ZMIZ1: variants seen among roughly 807,000 people sequenced by gnomAD.
ZMIZ1 encodes zinc finger MIZ domain-containing protein 1.
Under a neutral mutation model 113.9 loss-of-function variants are expected in ZMIZ1, and 17 were observed. The ratio of observed to expected loss-of-function variants is 0.15; its 90% CI spans 0.10 to 0.22. The LOEUF is 0.22. ZMIZ1 is among the 10% of genes least tolerant of loss of function. ZMIZ1 has a pLI of 1.00. For synonymous variants in ZMIZ1, 607 were observed against 603.1 expected, an observed-to-expected ratio of 1.01 and a Z score of -0.09; for missense variants, 1,059 against 1,477.8, an observed-to-expected ratio of 0.72 and a Z score of 4.65.
intron 23 of ZMIZ1, among the ~76,000 whole-genome samples, chr10:79,308,913 T>A (rs537167478): frequency 5.9e-5 from 9 of 152,324 alleles, no homozygotes; most frequent in Admixed American, 3.9e-4. Flanking sequence ...CCCCGCTGCC[T>A]GCATTCTGTG....
chr10:79,289,937 G>A (rs763101420), intron 9 of ZMIZ1, 48 bp downstream of exon 9: 18 of 1,567,462 alleles, frequency 1.1e-5, no homozygotes, highest in Non-Finnish European at 1.6e-5. Flanking sequence ...AGGCGGGAGT[G>A]TCCCTTGACC....
intron 14 of ZMIZ1, among the ~76,000 whole-genome samples, chr10:79,298,159 G>A (rs1854033779): frequency 6.6e-6 from 1 of 152,122 alleles, no homozygotes; most frequent in Admixed American, 6.5e-5. Flanking sequence ...GATGGGTAAG[G>A]GTCTCCACAG....
intron 7 of ZMIZ1, among the ~76,000 whole-genome samples, chr10:79,225,557 T>G (rs904551805): frequency 6.6e-6 from 1 of 150,688 alleles, no homozygotes; most frequent in Non-Finnish European, 1.5e-5. Context: ...TAGTGAGACA[T>G]CTCTACAAAA....
chr10:79,307,630 A>T, intron 23 of ZMIZ1, 59 bp downstream of exon 23: 1 of 1,565,682 alleles, frequency 6.4e-7, no homozygotes, highest in South Asian at 1.1e-5. Context: ...ATGCCTTGGG[A>T]TCTGGATACC....
intron 1 of ZMIZ1, among the ~76,000 whole-genome samples, chr10:79,093,202 T>C (rs878960412): frequency 6.7e-6 from 1 of 148,390 alleles, no homozygotes; most frequent in Admixed American, 6.7e-5. Flanking sequence ...TTAGGTTCTC[T>C]GCACTGTGCC....
chr10:79,246,101 C>G (rs1468717131), intron 7 of ZMIZ1, among the ~76,000 whole-genome samples: 1 of 152,252 alleles, frequency 6.6e-6, no homozygotes, highest in Non-Finnish European at 1.5e-5. Context: ...AAGGAGTAGA[C>G]CAGCCAGGCA....
intron 2 of ZMIZ1, among the ~76,000 whole-genome samples, chr10:79,132,378 A>T (rs1413275180): frequency 6.6e-6 from 1 of 152,112 alleles, no homozygotes; most frequent in Admixed American, 6.5e-5. Flanking sequence ...TGTCTGTCTG[A>T]GCCCAGGTCC....
chr10:79,193,085 C>T lies in ZMIZ1; in HGVS notation c.-49-8499C>T, dbSNP rs556597101. The stretch of plus-strand genomic sequence containing the variant: ...CAGGCTACCGAGGTTTGGGAATGCG[C>T]GAGCCACCTGCGACGTGACCACAGG... On this transcript the variant is annotated intron_variant, in intron 4 of 24. Coordinates refer to ENST00000334512, the MANE Select transcript of ZMIZ1 (RefSeq NM_020338.4). 6.6e-5 allele frequency among the ~76,000 whole-genome samples: 10 copies of T among 152,322 alleles called. No individual in the cohort carries two copies. The East Asian group carries it at 1.7e-3, about 26-fold the overall frequency.
chr10:79,100,752 G>A (rs914986937), intron 1 of ZMIZ1, among the ~76,000 whole-genome samples: 5 of 152,220 alleles, frequency 3.3e-5, no homozygotes, highest in African/African-American at 1.2e-4. Context: ...GCCAAACAGT[G>A]CTGCAGATAT....
chr10:79,273,645 A>G (rs957355285), intron 7 of ZMIZ1, among the ~76,000 whole-genome samples: 1 of 152,228 alleles, frequency 6.6e-6, no homozygotes, highest in Non-Finnish European at 1.5e-5. Flanking sequence ...GGTGTGAGCC[A>G]TCACGCCCAG....
intron 8 of ZMIZ1, among the ~76,000 whole-genome samples, chr10:79,287,438 T>C (rs1356998271): frequency 6.6e-6 from 1 of 152,192 alleles, no homozygotes; most frequent in East Asian, 1.9e-4. Flanking sequence ...CAAATGCGAG[T>C]CCTGCAGTTT....
chr10:79,186,133 C>T (rs913296832), intron 4 of ZMIZ1, among the ~76,000 whole-genome samples: 2 of 152,142 alleles, frequency 1.3e-5, no homozygotes, highest in African/African-American at 4.8e-5. Context: ...ACCAGACACA[C>T]ACCCACCACC....
rs770789504 is a variant in ZMIZ1 at position 79,293,531 on chromosome 10, C to T, written c.1108C>T (p.Pro370Ser). The T allele has an allele frequency of 6.2e-7, 1 of 1,611,068 alleles. No homozygotes were observed. The highest frequency in any genetic ancestry group is 2.2e-5 in the East Asian group (1 of 44,836). Reference protein sequence around the residue: ...MSGPPMGMNQPRPPGISPFGT... With the variant: ...MSGPPMGMNQSRPPGISPFGT... ...CGGCCCTCCCATGGGCATGAACCAGCCCCGGCCGCCCGGCATCAGCCCCTT... is the reference window on the plus strand; with the variant it reads ...CGGCCCTCCCATGGGCATGAACCAGTCCCGGCCGCCCGGCATCAGCCCCTT... The change falls in exon 12 of 25, where the codon CCC becomes TCC. Residue 370 changes from proline to serine, a missense_variant. Coordinates refer to ENST00000334512, the MANE Select transcript of ZMIZ1 (RefSeq NM_020338.4).
chr10:79,293,481 C>G lies in ZMIZ1; in HGVS notation c.1058C>G (p.Ala353Gly). 6.3e-7 allele frequency: 1 copy of G among 1,574,894 alleles called. No individual in the cohort carries two copies. The highest frequency in any genetic ancestry group is 2.3e-5 in the East Asian group (1 of 44,418). ...GGSMNPASMA[A>G]GMTPSGMSGP... ...AGCATGAACCCCGCGAGCATGGCGG[C>G]TGGCATGACGCCCTCGGGGATGAGC... The change falls in exon 12 of 25, where the codon GCT becomes GGT. Residue 353 changes from alanine to glycine, a missense_variant. Ala to Gly is a moderately conservative substitution (Grantham distance 60). Around this residue, in one of 6 missense-constraint regions of ZMIZ1, gnomAD observed 83 missense variants for 103.7 expected, o/e 0.80. Coordinates refer to ENST00000334512, the MANE Select transcript of ZMIZ1 (RefSeq NM_020338.4).
At chr10:79,235,589 CCTT>C (rs1157379678) in intron 7 of ZMIZ1, among the ~76,000 whole-genome samples, 1 of 152,190 alleles carries the variant, frequency 6.6e-6, no homozygotes, top group Non-Finnish European at 1.5e-5. Context: ...GAAATTCCTT[CCTT>C]CTTTGAGCCC....
At chr10:79,268,368 C>T (rs1490204434) in intron 7 of ZMIZ1, among the ~76,000 whole-genome samples, 2 of 152,252 alleles carry the variant, frequency 1.3e-5, no homozygotes, top group African/African-American at 4.8e-5. Flanking sequence ...AGATTCCTTT[C>T]AGAACCCTGT....
At chr10:79,093,204 C>A (rs1426131808) in intron 1 of ZMIZ1, among the ~76,000 whole-genome samples, 1 of 148,934 alleles carries the variant, frequency 6.7e-6, no homozygotes, top group Non-Finnish European at 1.5e-5. Flanking sequence ...AGGTTCTCTG[C>A]ACTGTGCCAT....
At chr10:79,162,438 G>C (rs996627849) in intron 4 of ZMIZ1, among the ~76,000 whole-genome samples, 36 of 152,220 alleles carry the variant, frequency 2.4e-4, no homozygotes, top group Non-Finnish European at 1.3e-4. Flanking sequence ...AGCCCTGTCT[G>C]CACCACTCTA....
chr10:79,257,482 G>T (rs1229196994), intron 7 of ZMIZ1, among the ~76,000 whole-genome samples: 2 of 152,246 alleles, frequency 1.3e-5, no homozygotes, highest in African/African-American at 2.4e-5. Context: ...TGAGTCAGGG[G>T]AACATCGGTG....
Sources: gnomAD v4.1 joint callset for allele counts (sites outside exome capture counted in the v4.1 genomes callset) on GRCh38, gnomAD v4.1.1 for gene constraint, gnomAD v4.1.1 regional missense constraint, MANE v1.5 for transcripts, NCBI Gene and HGNC (gene_info 2026-07-23, HGNC 2026-07-21) for gene names.